Variants in PRKCE observed in about 807,000 individuals in gnomAD.
PRKCE encodes the protein protein kinase C epsilon.
Under a neutral mutation model 85.4 loss-of-function variants are expected in PRKCE, and 16 were observed. The ratio of observed to expected loss-of-function variants is 0.19; its 90% CI spans 0.13 to 0.28. The LOEUF (loss-of-function observed/expected upper bound fraction) is 0.28, where lower values mean the gene tolerates loss of function less well. Ranked by LOEUF, PRKCE falls within the 10% of genes least tolerant of loss-of-function variation. The probability of loss-of-function intolerance (pLI) is 1.00; values close to 1 mark genes in which losing one functional copy is unlikely to be tolerated. For missense variants in PRKCE, 573 were observed against 975.2 expected (o/e 0.59, Z 5.49); for synonymous variants, 388 against 371.5 (o/e 1.04, Z -0.51).
chr2:45,959,680 A>G (rs776825957), intron 2 of PRKCE, among the ~76,000 whole-genome samples: 2 of 152,164 alleles, frequency 1.3e-5, no homozygotes, highest in Non-Finnish European at 2.9e-5. Context: ...AAGCAGATAC[A>G]AACTTTTTGT....
intron 2 of PRKCE, among the ~76,000 whole-genome samples, chr2:45,920,405 A>G (rs946378483): frequency 6.6e-6 from 1 of 152,038 alleles, no homozygotes; most frequent in African/African-American, 2.4e-5. Flanking sequence ...CAGCAGTTCC[A>G]CTCCTAGGTA....
chr2:46,093,596 A>G (rs935902121), intron 11 of PRKCE, among the ~76,000 whole-genome samples: 1 of 150,582 alleles, frequency 6.6e-6, no homozygotes, highest in Non-Finnish European at 1.5e-5. Context: ...TGTTACAATG[A>G]TAGCTCACTG....
At chr2:45,842,853 C>A (rs1485545583) in intron 1 of PRKCE, 147 bp from the exon 2 acceptor site, 5 of 748,126 alleles carry the variant, frequency 6.7e-6, no homozygotes, top group Non-Finnish European at 1.2e-5. Flanking sequence ...AGGTCTGCAT[C>A]TCACCTAGCA....
chr2:45,735,548 G>C (rs1433547788), intron 1 of PRKCE, among the ~76,000 whole-genome samples: 1 of 152,238 alleles, frequency 6.6e-6, no homozygotes, highest in South Asian at 2.1e-4. Flanking sequence ...TCATAGCATT[G>C]TTTTGCAGAT....
At chr2:45,719,344 A>T (rs1573053776) in intron 1 of PRKCE, among the ~76,000 whole-genome samples, 1 of 152,352 alleles carries the variant, frequency 6.6e-6, no homozygotes, top group Admixed American at 6.5e-5. Context: ...TTAATCTTAC[A>T]GTTTTATTCT....
intron 10 of PRKCE, among the ~76,000 whole-genome samples, chr2:46,028,807 C>G (rs1225413343): frequency 1.3e-5 from 2 of 152,158 alleles, no homozygotes; most frequent in African/African-American, 4.8e-5. Context: ...TGCTGATCCT[C>G]TCCCTCCTCC....
chr2:45,968,216 C>T (rs987611110), intron 2 of PRKCE, among the ~76,000 whole-genome samples: 3 of 150,564 alleles, frequency 2.0e-5, no homozygotes, highest in Non-Finnish European at 4.4e-5. Context: ...AATCTAAGTG[C>T]TCATCAGTCA....
intron 1 of PRKCE, among the ~76,000 whole-genome samples, chr2:45,704,971 A>G (rs557946177): frequency 4.5e-4 from 68 of 152,244 alleles, no homozygotes; most frequent in Middle Eastern, 3.4e-3. Context: ...CTTACCATCT[A>G]TCAGGAGGGG....
At chr2:45,828,668 T>C (rs1034486552) in intron 1 of PRKCE, among the ~76,000 whole-genome samples, 1 of 152,192 alleles carries the variant, frequency 6.6e-6, no homozygotes, top group Non-Finnish European at 1.5e-5. Flanking sequence ...CTGTAGGCAA[T>C]TTACTCAGGT....
intron 1 of PRKCE, among the ~76,000 whole-genome samples, chr2:45,746,061 A>G (rs180822389): frequency 5.7e-4 from 87 of 152,354 alleles, no homozygotes; most frequent in African/African-American, 2.0e-3. Flanking sequence ...GAAGTTAGGC[A>G]GCAATCCTAA....
At chr2:46,167,460 C>T (rs902125054) in intron 14 of PRKCE, among the ~76,000 whole-genome samples, 6 of 152,138 alleles carry the variant, frequency 3.9e-5, no homozygotes, top group African/African-American at 1.2e-4. Context: ...CACTCCTGTC[C>T]CAAAGGGGCT....
chr2:46,018,180 G>A (rs866866014), intron 10 of PRKCE, among the ~76,000 whole-genome samples: 2 of 152,230 alleles, frequency 1.3e-5, no homozygotes, highest in South Asian at 4.1e-4. Flanking sequence ...GGAAAAAGGG[G>A]GCATGGGCAC....
chr2:45,877,126 G>C (rs1264300573), intron 2 of PRKCE, among the ~76,000 whole-genome samples: 2 of 152,176 alleles, frequency 1.3e-5, no homozygotes, highest in Non-Finnish European at 1.5e-5. Flanking sequence ...AGGATTCTAA[G>C]TAGGGAGTTA....
chr2:46,109,861 T>C lies in PRKCE; in HGVS notation c.1592+23499T>C, dbSNP rs1031139892. ...TTTTTGTAGATGCTCCCTACCAAGT[T>C]CAGAAAATTCCCCTCTATTCCTAAT... On this transcript the variant is annotated intron_variant, in intron 11 of 14. Coordinates refer to ENST00000306156, the MANE Select transcript of PRKCE (RefSeq NM_005400.3). 7.6e-4 allele frequency among the ~76,000 whole-genome samples: 116 copies of C among 152,240 alleles called. 1 individual carries two copies. Among genetic ancestry groups the C allele is most frequent in the Non-Finnish European group, 1.6e-4 (11 of 67,960 alleles).
intron 1 of PRKCE, among the ~76,000 whole-genome samples, chr2:45,777,867 A>C (rs1685872500): frequency 6.6e-6 from 1 of 152,158 alleles, no homozygotes; most frequent in Non-Finnish European, 1.5e-5. Flanking sequence ...TTTGGAGAGA[A>C]AAGATAGCAA....
chr2:45,662,459 A>G (rs1675713495), intron 1 of PRKCE, among the ~76,000 whole-genome samples: 1 of 152,020 alleles, frequency 6.6e-6, no homozygotes, highest in African/African-American at 2.4e-5. Flanking sequence ...TCTCTATGAA[A>G]TGTATTGAAT....
intron 2 of PRKCE, among the ~76,000 whole-genome samples, chr2:45,881,324 G>A (rs1159172971): frequency 1.3e-5 from 2 of 152,100 alleles, no homozygotes; most frequent in African/African-American, 4.8e-5. Context: ...TCTTCTACAG[G>A]CTGGAAAACA....
At chr2:45,722,424 G>C (rs1359630307) in intron 1 of PRKCE, among the ~76,000 whole-genome samples, 1 of 152,142 alleles carries the variant, frequency 6.6e-6, no homozygotes, top group Non-Finnish European at 1.5e-5. Context: ...TAGTATTATT[G>C]TAAGACTAAT....
chr2:45,739,196 G>A (rs1682341472), intron 1 of PRKCE, among the ~76,000 whole-genome samples: 2 of 152,234 alleles, frequency 1.3e-5, no homozygotes, highest in African/African-American at 4.8e-5. Context: ...TCTCCTGGTA[G>A]CTTTAGCAGA....
Sources: gnomAD v4.1 joint callset for allele counts (sites outside exome capture counted in the v4.1 genomes callset) on GRCh38, gnomAD v4.1.1 for gene constraint, MANE v1.5 for transcripts, NCBI Gene and HGNC (gene_info 2026-07-23, HGNC 2026-07-21) for gene names.